The following CTNNA2 variants were observed in gnomAD, a reference collection of about 807,000 sequenced individuals.
CTNNA2 encodes the protein catenin alpha 2.
A neutral mutation model predicts 101.0 loss-of-function variants in CTNNA2; 42 were observed. The ratio of observed to expected loss-of-function variants is 0.42; its 90% confidence interval spans 0.32 to 0.54. The LOEUF (loss-of-function observed/expected upper bound fraction) is 0.54, where lower values mean the gene tolerates loss of function less well. Among genes scored for constraint, CTNNA2 ranks in the 20% least tolerant of loss-of-function variants. The pLI, the probability that CTNNA2 is intolerant of heterozygous loss-of-function variation, is 0.14. For missense variants in CTNNA2, 871 were observed against 1,223.1 expected (o/e 0.71, Z 4.29); for synonymous variants, 450 against 456.4 (o/e 0.99, Z 0.18).
chr2:79,414,550 C>G (rs1348582786), intron 4 of CTNNA2, among the ~76,000 whole-genome samples: 1 of 151,986 alleles, frequency 6.6e-6, no homozygotes, highest in Non-Finnish European at 1.5e-5. Flanking sequence ...CTTTTGTTGT[C>G]TAAAAATGTT....
intron 3 of CTNNA2, among the ~76,000 whole-genome samples, chr2:79,330,672 G>A (rs114754527): frequency 2.0e-5 from 3 of 152,148 alleles, no homozygotes; most frequent in African/African-American, 7.2e-5. Flanking sequence ...TTCCTGTGCT[G>A]TTCGCATGAT....
At chr2:80,593,013 C>T (rs1180772306) in intron 15 of CTNNA2, among the ~76,000 whole-genome samples, 1 of 152,090 alleles carries the variant, frequency 6.6e-6, no homozygotes, top group Non-Finnish European at 1.5e-5. Context: ...TCAGAATTAC[C>T]TATGTCCTAA....
chr2:79,411,402 A>G (rs1573153406), intron 4 of CTNNA2, among the ~76,000 whole-genome samples: 1 of 151,808 alleles, frequency 6.6e-6, no homozygotes, highest in South Asian at 2.1e-4. Flanking sequence ...TAGGGTGTCA[A>G]TTTTGGATCT....
chr2:79,767,862 G>T (rs900778618), intron 3 of CTNNA2, among the ~76,000 whole-genome samples: 2 of 151,486 alleles, frequency 1.3e-5, no homozygotes, highest in Middle Eastern at 3.4e-3. Context: ...GCAGAAGGAA[G>T]GGGTCTCTCT....
chr2:79,727,870 T>A (rs1472330952), intron 2 of CTNNA2, among the ~76,000 whole-genome samples: 1 of 151,976 alleles, frequency 6.6e-6, no homozygotes, highest in Non-Finnish European at 1.5e-5. Context: ...GAATGATGAT[T>A]TCCAGTTTCA....
intron 7 of CTNNA2, among the ~76,000 whole-genome samples, chr2:79,987,709 GCATTCTCTCTGA>G (rs1261982266): frequency 1.4e-4 from 22 of 152,144 alleles, no homozygotes; most frequent in African/African-American, 4.6e-4. Flanking sequence ...GTTTTATGAA[GCATTCTCTCTGA>G]CATTGTAAAA....
intron 1 of CTNNA2, among the ~76,000 whole-genome samples, chr2:79,572,756 A>T (rs1324288782): frequency 6.6e-6 from 1 of 152,238 alleles, no homozygotes; most frequent in African/African-American, 2.4e-5. Context: ...TGTTTAAAAA[A>T]ACAAAAAATT....
At chr2:79,640,423 T>C (rs547857361) in intron 1 of CTNNA2, among the ~76,000 whole-genome samples, 6 of 152,286 alleles carry the variant, frequency 3.9e-5, no homozygotes, top group African/African-American at 1.4e-4. Context: ...AAGTTACTTT[T>C]TCCTGAACAA....
chr2:80,266,696 G>C (rs1343193735), intron 7 of CTNNA2, among the ~76,000 whole-genome samples: 1 of 152,206 alleles, frequency 6.6e-6, no homozygotes, highest in Non-Finnish European at 1.5e-5. Context: ...CTTCTTGGCT[G>C]TACTTCATCA....
chr2:80,593,843 G>A (rs1055684618), intron 15 of CTNNA2, among the ~76,000 whole-genome samples: 7 of 152,104 alleles, frequency 4.6e-5, no homozygotes, highest in Non-Finnish European at 8.8e-5. Context: ...TCCATTGAAT[G>A]CATGTACCAC....
intron 14 of CTNNA2, chr2:80,586,228 A>T (rs181851409): frequency 2.6e-5 from 4 of 152,336 alleles, no homozygotes; most frequent in African/African-American, 9.6e-5. Flanking sequence ...AGAGCAAAGC[A>T]AAGCAGTTAA....
intron 7 of CTNNA2, among the ~76,000 whole-genome samples, chr2:80,198,859 C>T (rs138567931): frequency 1.3e-5 from 2 of 151,798 alleles, no homozygotes; most frequent in South Asian, 4.2e-4. Context: ...TGTTTTGTTT[C>T]CTTAAATGAG....
intron 1 of CTNNA2, among the ~76,000 whole-genome samples, chr2:79,191,964 T>C (rs1371947077): frequency 6.6e-6 from 1 of 152,144 alleles, no homozygotes; most frequent in Non-Finnish European, 1.5e-5. Context: ...TGGTTGCTGG[T>C]CACTTACCAG....
At chr2:80,244,763 T>C (rs1442243129) in intron 7 of CTNNA2, among the ~76,000 whole-genome samples, 2 of 152,194 alleles carry the variant, frequency 1.3e-5, no homozygotes, top group Non-Finnish European at 2.9e-5. Flanking sequence ...CTTAGGGTCA[T>C]TGGGATCTCG....
chr2:79,318,961 A>G (rs1676557159), intron 3 of CTNNA2, among the ~76,000 whole-genome samples: 1 of 152,218 alleles, frequency 6.6e-6, no homozygotes, highest in Non-Finnish European at 1.5e-5. Flanking sequence ...CTACTGAAAT[A>G]CAGAGCTAAT....
chr2:79,601,263 C>T (rs1372877962), intron 1 of CTNNA2, among the ~76,000 whole-genome samples: 1 of 152,142 alleles, frequency 6.6e-6, no homozygotes, highest in African/African-American at 2.4e-5. Flanking sequence ...AAGCACTTCA[C>T]CTGCATGTCA....
intron 7 of CTNNA2, among the ~76,000 whole-genome samples, chr2:80,197,982 C>A (rs1426311872): frequency 6.6e-6 from 1 of 152,122 alleles, no homozygotes; most frequent in Non-Finnish European, 1.5e-5. Context: ...TGTATCCTAC[C>A]CACTGAACAT....
chr2:79,627,300 T>G (rs1006208434), intron 1 of CTNNA2, among the ~76,000 whole-genome samples: 6 of 152,238 alleles, frequency 3.9e-5, no homozygotes, highest in Admixed American at 2.0e-4. Flanking sequence ...ATAAAACAAG[T>G]TACAGTACGA....
At chr2:80,210,191 C>T (rs1349397046) in intron 7 of CTNNA2, among the ~76,000 whole-genome samples, 1 of 152,148 alleles carries the variant, frequency 6.6e-6, no homozygotes, top group African/African-American at 2.4e-5. Context: ...CATCCTATTA[C>T]ATACTTTCTG....
Sources: gnomAD v4.1 joint callset for allele counts (sites outside exome capture counted in the v4.1 genomes callset) on GRCh38, gnomAD v4.1.1 for gene constraint, MANE v1.5 for transcripts, NCBI Gene and HGNC (gene_info 2026-07-23, HGNC 2026-07-21) for gene names.